The following MLLT3 variants were observed in gnomAD, a reference collection of about 807,000 sequenced individuals.
MLLT3 encodes MLLT3 super elongation complex subunit, also known as protein AF-9.
In MLLT3, 4 loss-of-function variants were observed where a neutral mutation model predicts 53.2. That is an observed-to-expected ratio of 0.08 (90% CI 0.04 to 0.17). MLLT3 has a LOEUF of 0.17. Ranked by LOEUF, MLLT3 falls within the 10% of genes least tolerant of loss-of-function variation. The pLI is 1.00. For missense variants in MLLT3, 569 were observed against 684.0 expected (o/e 0.83, Z 1.87); for synonymous variants, 283 against 230.6 (o/e 1.23, Z -2.06).
chr9:20,469,727 A>G (rs1487249879), intron 2 of MLLT3, among the ~76,000 whole-genome samples: 2 of 151,568 alleles, frequency 1.3e-5, no homozygotes, highest in East Asian at 3.9e-4. Context: ...CAATCAGGAA[A>G]AAAAAAAAAA....
chr9:20,360,598 T>C (rs2118632701), intron 8 of MLLT3, 144 bp downstream of exon 8: 1 of 666,554 alleles, frequency 1.5e-6, no homozygotes, highest in East Asian at 2.8e-5. Context: ...ATGTGTTTAT[T>C]CCACAGGCTG....
intron 2 of MLLT3, among the ~76,000 whole-genome samples, chr9:20,558,645 C>T (rs1001036237): frequency 6.6e-6 from 1 of 152,212 alleles, no homozygotes; most frequent in African/African-American, 2.4e-5. Flanking sequence ...CCTAGAGAGG[C>T]TGACTCAGTC....
At chr9:20,572,951 T>C (rs963185399) in intron 2 of MLLT3, among the ~76,000 whole-genome samples, 2 of 152,170 alleles carry the variant, frequency 1.3e-5, no homozygotes, top group South Asian at 2.1e-4. Flanking sequence ...TCTCCATCCA[T>C]AGATATAGTT....
intron 2 of MLLT3, among the ~76,000 whole-genome samples, chr9:20,523,698 G>A (rs1818124926): frequency 6.6e-6 from 1 of 152,132 alleles, no homozygotes. Context: ...GGCCGGATGG[G>A]GTGGCTCATG....
chr9:20,426,903 G>C (rs994768062), intron 4 of MLLT3, among the ~76,000 whole-genome samples: 2 of 152,034 alleles, frequency 1.3e-5, no homozygotes, highest in Non-Finnish European at 2.9e-5. Context: ...AAGGACACAC[G>C]CATGACTGTG....
chr9:20,519,476 CA>C (rs1353182469), intron 2 of MLLT3, among the ~76,000 whole-genome samples: 1 of 152,034 alleles, frequency 6.6e-6, no homozygotes, highest in Non-Finnish European at 1.5e-5. Flanking sequence ...TATTAAGAGC[CA>C]TATATAGGCT....
chr9:20,535,094 G>T (rs1411728), intron 2 of MLLT3, among the ~76,000 whole-genome samples: 7 of 152,078 alleles, frequency 4.6e-5, no homozygotes, highest in South Asian at 2.1e-4. Context: ...TGTTAGGTAC[G>T]GGGCCACACG....
At chr9:20,374,083 T>TA (rs1821688875) in intron 5 of MLLT3, among the ~76,000 whole-genome samples, 1 of 152,084 alleles carries the variant, frequency 6.6e-6, no homozygotes, top group Non-Finnish European at 1.5e-5. Context: ...AATGTACATT[T>TA]AAAAAAATAA....
intron 2 of MLLT3, among the ~76,000 whole-genome samples, chr9:20,472,146 G>T (rs1423386099): frequency 1.3e-5 from 2 of 151,866 alleles, no homozygotes; most frequent in Non-Finnish European, 2.9e-5. Flanking sequence ...TGTTTTTAGG[G>T]ATTTGTTTTT....
chr9:20,507,501 T>C (rs1825411276), intron 2 of MLLT3, among the ~76,000 whole-genome samples: 1 of 152,134 alleles, frequency 6.6e-6, no homozygotes, highest in South Asian at 2.1e-4. Context: ...TCTTAAAGCT[T>C]GCCTTTAAAA....
chr9:20,512,723 AAGTC>A (rs1356798453), intron 2 of MLLT3, among the ~76,000 whole-genome samples: 6 of 152,196 alleles, frequency 3.9e-5, no homozygotes, highest in Non-Finnish European at 7.3e-5. Flanking sequence ...TTGTTCCCAG[AAGTC>A]AGTAACTGAA....
At chr9:20,616,004 T>C (rs997564144) in intron 2 of MLLT3, among the ~76,000 whole-genome samples, 11 of 152,100 alleles carry the variant, frequency 7.2e-5, no homozygotes, top group Admixed American at 7.2e-4. Context: ...TTTAGACAAA[T>C]TAATTTCTTT....
At chr9:20,539,778 C>G (rs1818579064) in intron 2 of MLLT3, among the ~76,000 whole-genome samples, 1 of 152,182 alleles carries the variant, frequency 6.6e-6, no homozygotes, top group Admixed American at 6.5e-5. Flanking sequence ...ATCAATCATT[C>G]CTTCATGACA....
At chr9:20,593,642 C>T (rs1166716774) in intron 2 of MLLT3, among the ~76,000 whole-genome samples, 2 of 152,028 alleles carry the variant, frequency 1.3e-5, no homozygotes, top group Non-Finnish European at 1.5e-5. Flanking sequence ...TTTTTTCCTG[C>T]AATTTAAACT....
rs920527847 is a variant in MLLT3, at chr9:20,360,786, G to A, written c.1387C>T (p.His463Tyr). ...AGTAAGGGTGGTGGAGGTTCGTGAT[G>A]TAGGGGTGAAGAAGCAGAACTGCTT... ...SESSSASSPL[H>Y]HEPPPPLLKT... The change falls in exon 8 of 11, where the codon CAT becomes TAT. Residue 463 changes from histidine to tyrosine, a missense_variant. Physicochemically the swap from His to Tyr is moderately conservative, Grantham distance 83. Around this residue, in one of 5 missense-constraint regions of MLLT3, gnomAD observed 437 missense variants for 376.5 expected, o/e 1.16. Transcript: ENST00000380338. 9.9e-6 allele frequency: 16 copies of A among 1,614,032 alleles called. No individual in the cohort carries two copies. The Admixed American group carries it at 1.8e-4, about 18-fold the overall frequency.
intron 2 of MLLT3, among the ~76,000 whole-genome samples, chr9:20,543,428 G>A (rs562939194): frequency 1.3e-5 from 2 of 152,140 alleles, no homozygotes; most frequent in Admixed American, 6.5e-5. Context: ...CCCCAAAACA[G>A]TTACAATAGT....
chr9:20,622,017 G>C, intron 1 of MLLT3: 1 of 1,346,700 alleles, frequency 7.4e-7, no homozygotes, highest in Non-Finnish European at 9.6e-7. Context: ...GGAGGGGCGA[G>C]TGTGAGCGTG....
chr9:20,377,962 A>G (rs1037273244), intron 5 of MLLT3, among the ~76,000 whole-genome samples: 21 of 152,064 alleles, frequency 1.4e-4, no homozygotes, highest in African/African-American at 2.2e-4. Flanking sequence ...ATCTTCCTCA[A>G]TAGAATTAGA....
chr9:20,448,032 T>C lies in MLLT3; in HGVS notation c.420+91A>G. ...TTTACCTCTCCCAAAACCTTATACT[T>C]TTTAACACATGAGGAACTAGTTTGT... On this transcript the variant is annotated intron_variant, in intron 4 of 10. Coordinates refer to ENST00000380338, the MANE Select transcript of MLLT3 (RefSeq NM_004529.4). The surrounding 1 kb of genome is among the most constrained non-coding windows in gnomAD (Gnocchi z 4.0). The C allele has an allele frequency of 7.0e-7, 1 of 1,423,022 alleles. No individual in the cohort carries two copies. Among genetic ancestry groups the C allele is most frequent in the Non-Finnish European group, 9.5e-7 (1 of 1,048,704 alleles). 88.1% of individuals were successfully genotyped at this position (1,423,022 alleles called of 1,614,324 possible).
Sources: allele counts gnomAD v4.1 joint callset (sites outside exome capture counted in the v4.1 genomes callset), GRCh38; gene constraint gnomAD v4.1.1; regional missense constraint gnomAD v4.1.1; non-coding constraint Gnocchi (gnomAD v3.1); transcripts MANE v1.5; gene names NCBI Gene and HGNC (gene_info 2026-07-23, HGNC 2026-07-21).